CPNE2: variants seen among roughly 807,000 people sequenced by gnomAD.
CPNE2 encodes copine 2, also known as copine-2.
A neutral mutation model predicts 69.7 loss-of-function variants in CPNE2; 42 were observed. The ratio of observed to expected loss-of-function variants is 0.60; its 90% CI spans 0.47 to 0.78. CPNE2 has a LOEUF of 0.78. Among genes scored for constraint, CPNE2 ranks in the 30% least tolerant of loss-of-function variants. The probability of loss-of-function intolerance (pLI) is 0.00; values close to 1 mark genes in which losing one functional copy is unlikely to be tolerated. For missense variants in CPNE2, 587 were observed against 732.0 expected, an observed-to-expected ratio of 0.80 and a Z score of 2.29; for synonymous variants, 294 against 289.8, an observed-to-expected ratio of 1.01 and a Z score of -0.15.
Position 57,115,487 on chromosome 16 carries a change from CAAG to C in CPNE2, c.377_379del (p.Lys126del), listed in dbSNP as rs1472533019. On this transcript the variant is annotated inframe_deletion, in exon 4 of 16. Coordinates refer to ENST00000290776, the MANE Select transcript of CPNE2 (RefSeq NM_152727.6). ...CCTCTCTCCCCTAGATCGTCTCCAG[CAAG>C]AAGATCACTAGGCCTCTGCTGCTGC... 5 of 1,612,072 alleles carry C rather than the reference CAAG, an allele frequency of 3.1e-6. No individual in the cohort carries two copies. Among genetic ancestry groups the C allele is most frequent in the East Asian group, 2.2e-5 (1 of 44,666 alleles).
At chr16:57,115,330 GTGA>G in intron 3 of CPNE2, 143 bp from the exon 4 acceptor site, 2 of 631,750 alleles carry the variant, frequency 3.2e-6, no homozygotes, top group Non-Finnish European at 5.6e-6. Flanking sequence ...ACCTCCCAGG[GTGA>G]TGATGATGCT....
In CPNE2 at chr16:57,114,856, G is replaced by A. The variant is rs1597494681; in HGVS notation, c.361-620G>A. ...CTCATGCCTGTAATCCCAGCACTTT[G>A]GGAGGCCAAGGCGGGAAGATCGCTT... On this transcript the variant is annotated intron_variant, in intron 3 of 15. Coordinates refer to ENST00000290776, the MANE Select transcript of CPNE2 (RefSeq NM_152727.6). Among the ~76,000 whole-genome samples the A allele has an allele frequency of 3.3e-5, 5 of 150,682 alleles. 1 individual carries two copies. In the Admixed American group the frequency reaches 3.3e-4, roughly 10 times the overall value.
chr16:57,117,138 G>T (rs1193790239), intron 4 of CPNE2, among the ~76,000 whole-genome samples: 1 of 152,100 alleles, frequency 6.6e-6, no homozygotes, highest in South Asian at 2.1e-4. Flanking sequence ...CTCTGTGGCT[G>T]CCGCAGGGGC....
intron 2 of CPNE2, 126 bp downstream of exon 2, chr16:57,111,048 G>A: frequency 1.6e-6 from 1 of 614,610 alleles, no homozygotes; most frequent in Non-Finnish European, 2.5e-6. Flanking sequence ...GGTGGCAGGG[G>A]ATTACTTGGT....
intron 14 of CPNE2, among the ~76,000 whole-genome samples, chr16:57,140,157 G>A (rs1366182566): frequency 1.3e-5 from 2 of 151,914 alleles, no homozygotes; most frequent in Admixed American, 1.3e-4. Flanking sequence ...AATGTTTCCT[G>A]CTCTAAACCC....
Position 57,134,969 on chromosome 16 carries a change from AAG to A in CPNE2, c.1168+146_1168+147del, listed in dbSNP as rs1894021179. 1.5e-5 allele frequency: 14 copies of A among 906,456 alleles called. No homozygotes were observed. In the South Asian group the frequency reaches 2.0e-4, roughly 13 times the overall value. The allele number at this position is 906,456 out of a possible 1,614,324, so 56.2% of individuals were successfully genotyped here. A position where few individuals can be genotyped will look rare whatever the true frequency, so the allele number is the denominator to read the frequency against. ...CTGTTGCTCAGAGTGACAGAGGGGG[AAG>A]AGCTGCAGTTTGGAGTCAGATAGTC... On this transcript the variant is annotated intron_variant, in intron 13 of 15. Coordinates refer to ENST00000290776, the MANE Select transcript of CPNE2 (RefSeq NM_152727.6).
At chr16:57,093,430 C>G (rs2069557445) in intron 1 of CPNE2, among the ~76,000 whole-genome samples, 1 of 152,158 alleles carries the variant, frequency 6.6e-6, no homozygotes, top group Non-Finnish European at 1.5e-5. Context: ...ACAAGGCCCT[C>G]TCTTATTCCC....
intron 12 of CPNE2, 135 bp from the exon 13 acceptor site, chr16:57,134,640 G>A: frequency 1.2e-6 from 1 of 865,900 alleles, no homozygotes; most frequent in Non-Finnish European, 1.9e-6. Flanking sequence ...GGGGGTATCA[G>A]TGGCCTAGAG....
At chr16:57,125,471 G>C (rs540518432) in intron 10 of CPNE2, 37 of 415,820 alleles carry the variant, frequency 8.9e-5, no homozygotes, top group African/African-American at 6.7e-4. Context: ...GTTGGGCCTG[G>C]AAGATGGAGC....
chr16:57,095,025 T>C (rs2145228560), intron 1 of CPNE2, among the ~76,000 whole-genome samples: 1 of 151,840 alleles, frequency 6.6e-6, no homozygotes, highest in East Asian at 1.9e-4. Flanking sequence ...CTGATGGAGG[T>C]CTCTGTCCCT....
intron 1 of CPNE2, chr16:57,093,890 A>AGCCTGCC: frequency 2.7e-6 from 1 of 364,154 alleles, no homozygotes; most frequent in Non-Finnish European, 5.5e-6. Context: ...TGGCAGCTGC[A>AGCCTGCC]GCCTGCCCTG....
rs572147550 is a variant in CPNE2 at position 57,127,461 on chromosome 16, A to C, written c.1062-388A>C. On this transcript the variant is annotated intron_variant, in intron 11 of 15. Transcript: ENST00000290776. ...AATGCCACAGGAGGGTTCTCATATT[A>C]GTAGAGTTTTCCCCAGCTATGAGCA... Among the ~76,000 whole-genome samples the C allele has an allele frequency of 5.3e-5, 8 of 152,308 alleles. No individual in the cohort carries two copies. The East Asian group carries it at 1.5e-3, about 29-fold the overall frequency.
At chr16:57,117,347 G>A (rs1448093289) in intron 4 of CPNE2, 149 bp from the exon 5 acceptor site, 2 of 693,768 alleles carry the variant, frequency 2.9e-6, no homozygotes, top group Non-Finnish European at 2.5e-6. Context: ...GAGGTGTGGG[G>A]AAGACAAGAG....
intron 14 of CPNE2, among the ~76,000 whole-genome samples, chr16:57,139,994 G>C (rs1236999689): frequency 6.6e-6 from 1 of 152,150 alleles, no homozygotes; most frequent in African/African-American, 2.4e-5. Flanking sequence ...GGCCAGCAAA[G>C]CGCTCAGGGA....
rs1223405476 is a variant in CPNE2 at position 57,141,711 on chromosome 16, C to G, written c.1303-4374C>G. The G allele has an allele frequency of 3.3e-5, 5 of 152,176 alleles. No individual in the cohort carries two copies. The East Asian group carries it at 7.7e-4, about 23-fold the overall frequency. The allele number at this position is 152,176 out of a possible 1,614,324, so 9.4% of individuals were successfully genotyped here. A position where few individuals can be genotyped will look rare whatever the true frequency, so the allele number is the denominator to read the frequency against. ...GAGCAGGTAGCTTAAACTCTGTGAA[C>G]TTGTTTCCTCATCTGTGCGACGAGG... is the stretch of plus-strand genomic sequence containing the variant. On this transcript the variant is annotated intron_variant, in intron 14 of 15. Transcript: ENST00000290776.
chr16:57,120,582 T>C (rs767468348), intron 7 of CPNE2, among the ~76,000 whole-genome samples: 5 of 152,154 alleles, frequency 3.3e-5, no homozygotes, highest in Non-Finnish European at 2.9e-5. Context: ...ACCAGGAATC[T>C]TAGGTTCTAG....
rs79971965 is a variant in CPNE2, at chr16:57,097,622, T to C, written c.-36+4832T>C. On this transcript the variant is annotated intron_variant, in intron 1 of 15. Transcript: ENST00000290776. The stretch of plus-strand genomic sequence containing the variant: ...GTTAGGACACATGGCCCAGGTTGCA[T>C]AGGGAATGGGTGACTTTCTCCAGCA... Among the ~76,000 whole-genome samples the C allele has an allele frequency of 0.021, 3,141 of 152,274 alleles. 170 individuals are homozygous for C. The East Asian group carries it at 0.21, about 10-fold the overall frequency.
intron 4 of CPNE2, 91 bp downstream of exon 4, chr16:57,115,641 C>T: frequency 1.1e-6 from 1 of 925,672 alleles, no homozygotes; most frequent in Admixed American, 2.7e-5. Flanking sequence ...AGATAATCAC[C>T]AGCTTTGTTT....
At chr16:57,128,000 C>A in intron 12 of CPNE2, 97 bp downstream of exon 12, 3 of 1,244,660 alleles carry the variant, frequency 2.4e-6, no homozygotes. Flanking sequence ...GGCTGGGGCC[C>A]TGTTGCCCTG....
Sources: gnomAD v4.1 joint callset for allele counts (sites outside exome capture counted in the v4.1 genomes callset) on GRCh38, gnomAD v4.1.1 for gene constraint, MANE v1.5 for transcripts, NCBI Gene and HGNC (gene_info 2026-07-23, HGNC 2026-07-21) for gene names.